The following NRXN3 variants were observed in gnomAD, a reference collection of about 807,000 sequenced individuals.
The protein encoded by NRXN3 is neurexin 3.
NRXN3 carries 32 observed loss-of-function variants against 137.6 expected under a neutral mutation model. The ratio of observed to expected loss-of-function variants is 0.23; its 90% confidence interval spans 0.18 to 0.31. The LOEUF (loss-of-function observed/expected upper bound fraction) is 0.31, where lower values mean the gene tolerates loss of function less well. NRXN3 is among the 10% of genes least tolerant of loss of function. NRXN3 has a pLI of 1.00. For synonymous variants in NRXN3, 798 were observed against 784.5 expected (o/e 1.02, Z -0.29); for missense variants, 1,574 against 2,062.5 (o/e 0.76, Z 4.59).
At chr14:79,520,624 C>CT (rs1601583478) in intron 16 of NRXN3, among the ~76,000 whole-genome samples, 2 of 152,146 alleles carry the variant, frequency 1.3e-5, no homozygotes, top group Non-Finnish European at 2.9e-5. Context: ...TGAACTCATC[C>CT]TTTTTTATGC....
intron 4 of NRXN3, among the ~76,000 whole-genome samples, chr14:78,606,265 C>T (rs1358750974): frequency 6.6e-6 from 1 of 152,182 alleles, no homozygotes; most frequent in African/African-American, 2.4e-5. Flanking sequence ...GAATGACTTT[C>T]CCCTATGATT....
At chr14:78,950,990 C>T (rs2099386042) in intron 10 of NRXN3, among the ~76,000 whole-genome samples, 1 of 152,144 alleles carries the variant, frequency 6.6e-6, no homozygotes, top group Non-Finnish European at 1.5e-5. Context: ...CCCTAGGAAT[C>T]AACACTGATT....
At chr14:78,535,962 C>T (rs867294085) in intron 4 of NRXN3, among the ~76,000 whole-genome samples, 19 of 151,764 alleles carry the variant, frequency 1.3e-4, no homozygotes, top group Middle Eastern at 6.8e-3. Context: ...TTTTTTTAAT[C>T]GTGTGAAGCC....
At chr14:79,706,509 T>G (rs907420562) in intron 19 of NRXN3, among the ~76,000 whole-genome samples, 2 of 148,622 alleles carry the variant, frequency 1.3e-5, no homozygotes, top group South Asian at 4.2e-4. Flanking sequence ...GGACAATAAG[T>G]TGTTGAAAGC....
intron 20 of NRXN3, among the ~76,000 whole-genome samples, chr14:79,816,451 A>G (rs1373495654): frequency 2.6e-5 from 4 of 152,238 alleles, no homozygotes; most frequent in African/African-American, 9.6e-5. Context: ...GTGAAGCAAA[A>G]TTAGAACTCC....
intron 15 of NRXN3, among the ~76,000 whole-genome samples, chr14:79,206,949 A>G (rs1467424553): frequency 6.6e-6 from 1 of 152,146 alleles, no homozygotes; most frequent in Non-Finnish European, 1.5e-5. Flanking sequence ...AAACAAAAAC[A>G]TTGAGCCCCT....
intron 10 of NRXN3, among the ~76,000 whole-genome samples, chr14:78,882,783 A>G (rs994966131): frequency 6.6e-6 from 1 of 151,574 alleles, no homozygotes; most frequent in African/African-American, 2.4e-5. Context: ...AAAGGGCGTG[A>G]TCATGTTTTG....
chr14:78,847,274 C>A (rs2152469474), intron 10 of NRXN3, among the ~76,000 whole-genome samples: 1 of 152,156 alleles, frequency 6.6e-6, no homozygotes, highest in Admixed American at 6.6e-5. Context: ...TCTTAACTGT[C>A]TGAAAAAATG....
rs766378966 is a variant in NRXN3 at position 78,968,134 on chromosome 14, C to A, written c.2969-39C>A. The stretch of plus-strand genomic sequence containing the variant: ...AACTAGTTGACATGGTCACCACATC[C>A]TTTACTCATTCTCTTTTGCTAATTA... On this transcript the variant is annotated intron_variant, in intron 13 of 20. Transcript: ENST00000335750. 3.1e-6 allele frequency: 4 copies of A among 1,293,994 alleles called. No individual in the cohort carries two copies. In the African/African-American group the frequency reaches 4.8e-5, roughly 16 times the overall value. The allele number at this position is 1,293,994 out of a possible 1,614,324, so 80.2% of individuals were successfully genotyped here. A position where few individuals can be genotyped will look rare whatever the true frequency, so the allele number is the denominator to read the frequency against.
At chr14:79,671,061 G>T (rs974259855) in intron 17 of NRXN3, among the ~76,000 whole-genome samples, 2 of 152,164 alleles carry the variant, frequency 1.3e-5, no homozygotes. Context: ...CACCCAGGTG[G>T]TGATGGCTGC....
intron 15 of NRXN3, among the ~76,000 whole-genome samples, chr14:79,344,489 TA>T: frequency 6.6e-6 from 1 of 152,348 alleles, no homozygotes; most frequent in Non-Finnish European, 1.5e-5. Context: ...CGATTAAAGA[TA>T]CTGCCAAAAT....
At chr14:79,512,895 G>A (rs2096945717) in intron 16 of NRXN3, among the ~76,000 whole-genome samples, 1 of 152,174 alleles carries the variant, frequency 6.6e-6, no homozygotes, top group South Asian at 2.1e-4. Flanking sequence ...AAAAGAGGTG[G>A]AGAGAATATT....
chr14:79,280,219 G>A (rs1275079531), intron 15 of NRXN3: 1 of 1,587,486 alleles, frequency 6.3e-7, no homozygotes. Context: ...GGGCCCTTGG[G>A]CATCATGAAC....
At chr14:79,237,796 C>T (rs2073650526) in intron 15 of NRXN3, among the ~76,000 whole-genome samples, 1 of 152,118 alleles carries the variant, frequency 6.6e-6, no homozygotes, top group Non-Finnish European at 1.5e-5. Context: ...AGATTTTATT[C>T]ATGGATTAAA....
At chr14:78,905,519 A>C (rs982748470) in intron 10 of NRXN3, among the ~76,000 whole-genome samples, 3 of 152,022 alleles carry the variant, frequency 2.0e-5, no homozygotes, top group Non-Finnish European at 4.4e-5. Flanking sequence ...TTGAGAGTTT[A>C]TCATGTATAA....
chr14:78,697,503 G>C (rs2098238512), intron 6 of NRXN3, among the ~76,000 whole-genome samples: 1 of 151,964 alleles, frequency 6.6e-6, no homozygotes, highest in African/African-American at 2.4e-5. Context: ...AATGTGATTT[G>C]TGTAACTGGT....
chr14:79,621,837 A>G (rs1161377192), intron 16 of NRXN3, among the ~76,000 whole-genome samples: 1 of 152,208 alleles, frequency 6.6e-6, no homozygotes, highest in Admixed American at 6.5e-5. Context: ...CTGCTCAAGT[A>G]ATGGATCAAT....
At chr14:79,719,396 A>ATGTGTGTATATATATGTG (rs747157095) in intron 19 of NRXN3, among the ~76,000 whole-genome samples, 138 of 22,478 alleles carry the variant, frequency 6.1e-3, no homozygotes, top group East Asian at 0.023. Context: ...GTGTATATAT[A>ATGTGTGTATATATATGTG]TGTGTGTATA....
chr14:78,199,276 T>C (rs908829920), intron 1 of NRXN3, among the ~76,000 whole-genome samples: 1 of 152,124 alleles, frequency 6.6e-6, no homozygotes, highest in African/African-American at 2.4e-5. Flanking sequence ...CCAGTTTGTC[T>C]GCAGAGGCCC....
Sources: allele counts gnomAD v4.1 joint callset (sites outside exome capture counted in the v4.1 genomes callset), GRCh38; gene constraint gnomAD v4.1.1; transcripts MANE v1.5; gene names NCBI Gene and HGNC (gene_info 2026-07-23, HGNC 2026-07-21).